The following RABGAP1L variants were observed in gnomAD, a reference collection of about 807,000 sequenced individuals.
The protein encoded by RABGAP1L is rab GTPase-activating protein 1-like.
RABGAP1L carries 63 observed loss-of-function variants against 137.7 expected under a neutral mutation model. The observed-to-expected ratio is 0.46, with a 90% CI of 0.37 to 0.56. RABGAP1L has a LOEUF of 0.56. RABGAP1L is among the 20% of genes least tolerant of loss of function. The pLI is 0.00. For missense variants in RABGAP1L, 1,095 were observed against 1,244.0 expected (o/e 0.88, Z 1.80); for synonymous variants, 431 against 433.7 (o/e 0.99, Z 0.08).
chr1:174,282,232 T>G (rs1165555003), intron 10 of RABGAP1L, among the ~76,000 whole-genome samples: 1 of 152,228 alleles, frequency 6.6e-6, no homozygotes, highest in Non-Finnish European at 1.5e-5. Flanking sequence ...CTACAGTGCT[T>G]GACCACTTTA....
Position 174,752,361 on chromosome 1 carries a change from C to T in RABGAP1L, c.2211+7C>T. On this transcript the variant is annotated splice_region_variant and intron_variant, in intron 18 of 25. Transcript: ENST00000681986. ...AGCTTTGGCTCTCCTAAAGGTAAGT[C>T]TTTTTTTTAATCTTAAGTTACCACA... The T allele has an allele frequency of 6.4e-7, 1 of 1,558,568 alleles. No individual in the cohort carries two copies. Among genetic ancestry groups the T allele is most frequent in the Non-Finnish European group, 8.7e-7 (1 of 1,144,706 alleles).
intron 18 of RABGAP1L, among the ~76,000 whole-genome samples, chr1:174,774,617 T>A (rs967682507): frequency 6.6e-6 from 1 of 152,020 alleles, no homozygotes; most frequent in African/African-American, 2.4e-5. Context: ...CAGTACCTCA[T>A]GCCTGTAATC....
At chr1:174,570,852 C>T (rs765967524) in intron 13 of RABGAP1L, among the ~76,000 whole-genome samples, 3 of 152,080 alleles carry the variant, frequency 2.0e-5, no homozygotes, top group Non-Finnish European at 2.9e-5. Flanking sequence ...CCATGGAGAA[C>T]AGTTTAGAGA....
intron 13 of RABGAP1L, among the ~76,000 whole-genome samples, chr1:174,400,089 C>T (rs1648378811): frequency 6.6e-6 from 1 of 152,170 alleles, no homozygotes; most frequent in Non-Finnish European, 1.5e-5. Context: ...GGCAAATATA[C>T]AGCCAGCAGG....
chr1:174,350,523 T>C (rs1316698554), intron 11 of RABGAP1L, among the ~76,000 whole-genome samples: 3 of 135,238 alleles, frequency 2.2e-5, no homozygotes, highest in African/African-American at 5.7e-5. Flanking sequence ...CCTCACTTCC[T>C]AGATGTGATG....
At chr1:174,351,225 G>A (rs146728188) in intron 11 of RABGAP1L, among the ~76,000 whole-genome samples, 223 of 152,292 alleles carry the variant, frequency 1.5e-3, no homozygotes, top group Non-Finnish European at 2.4e-3. Flanking sequence ...CAATTATAGT[G>A]TTATCATTTT....
intron 12 of RABGAP1L, among the ~76,000 whole-genome samples, chr1:174,392,925 C>T (rs918056968): frequency 2.6e-5 from 4 of 152,134 alleles, no homozygotes; most frequent in South Asian, 2.1e-4. Context: ...AAATGAGCAA[C>T]AAATACAAGT....
In RABGAP1L at chr1:174,502,576, G is replaced by GTATATATATATATATATATATA. The variant is rs60045454; in HGVS notation, c.1710+108452_1710+108453insATATATATATATATATATATAT. Among the ~76,000 whole-genome samples the GTATATATATATATATATATATA allele has an allele frequency of 2.6e-3, 338 of 128,920 alleles. 3 individuals are homozygous for GTATATATATATATATATATATA. Among genetic ancestry groups the GTATATATATATATATATATATA allele is most frequent in the African/African-American group, 7.5e-3 (248 of 33,044 alleles). The allele number at this position is 128,920 out of a possible 152,430, so 84.6% of individuals were successfully genotyped here. On this transcript the variant is annotated intron_variant, in intron 13 of 25. Coordinates refer to ENST00000681986, the MANE Select transcript of RABGAP1L (RefSeq NM_001366446.1). Reference sequence around the variant, plus strand: ...GAGATAATGCAGAAGAAAGTACACGGTATATATATATATATATATATGTAC... The same window carrying GTATATATATATATATATATATA: ...GAGATAATGCAGAAGAAAGTACACGGTATATATATATATATATATATATATATATATATATATATATATGTAC...
intron 18 of RABGAP1L, among the ~76,000 whole-genome samples, chr1:174,769,427 C>A (rs1685938344): frequency 6.6e-6 from 1 of 152,106 alleles, no homozygotes; most frequent in African/African-American, 2.4e-5. Context: ...GTGATGTTAT[C>A]TACAGGAGTA....
chr1:174,335,925 T>C (rs1052483618), intron 11 of RABGAP1L, among the ~76,000 whole-genome samples: 13 of 152,202 alleles, frequency 8.5e-5, no homozygotes, highest in African/African-American at 2.9e-4. Flanking sequence ...AAAAGACATA[T>C]GCCCAAGTAA....
At position 174,853,680 on chromosome 1, in the gene RABGAP1L, G is replaced by A. The variant is rs754765376; in HGVS notation, c.2340+41720G>A. Among the ~76,000 whole-genome samples, 6 of 152,116 alleles carry A rather than the reference G, an allele frequency of 3.9e-5. No individual in the cohort carries two copies. The East Asian group carries it at 9.6e-4, about 24-fold the overall frequency. ...TGGGAGGTGGAGGTTGCGGTGAGCCGAGATGGCGCCACTGCACTCCAGCCT... is the reference window on the plus strand; with the variant it reads ...TGGGAGGTGGAGGTTGCGGTGAGCCAAGATGGCGCCACTGCACTCCAGCCT... On this transcript the variant is annotated intron_variant, in intron 19 of 25. Coordinates refer to ENST00000681986, the MANE Select transcript of RABGAP1L (RefSeq NM_001366446.1).
chr1:174,954,165 T>C (rs1256895535), intron 19 of RABGAP1L: 1 of 152,222 alleles, frequency 6.6e-6, no homozygotes, highest in Non-Finnish European at 1.5e-5. Flanking sequence ...ACCTCATAAA[T>C]AACAAGAGTT....
intron 13 of RABGAP1L, among the ~76,000 whole-genome samples, chr1:174,586,145 C>T (rs1032000476): frequency 6.6e-5 from 10 of 152,240 alleles, no homozygotes; most frequent in African/African-American, 2.4e-4. Flanking sequence ...CAATGATAGA[C>T]TGGGTAAAGA....
intron 15 of RABGAP1L, among the ~76,000 whole-genome samples, chr1:174,689,060 A>G (rs1389253022): frequency 6.6e-6 from 1 of 152,136 alleles, no homozygotes; most frequent in African/African-American, 2.4e-5. Flanking sequence ...CTTAACCTAG[A>G]TAGTGGTTAC....
At chr1:174,316,867 T>A (rs1679423026) in intron 11 of RABGAP1L, among the ~76,000 whole-genome samples, 1 of 152,148 alleles carries the variant, frequency 6.6e-6, no homozygotes, top group Non-Finnish European at 1.5e-5. Context: ...AAGACACAGT[T>A]CTTCCCACTG....
At chr1:174,963,053 C>T (rs949012476) in intron 20 of RABGAP1L, among the ~76,000 whole-genome samples, 15 of 151,664 alleles carry the variant, frequency 9.9e-5, no homozygotes, top group Non-Finnish European at 1.9e-4. Flanking sequence ...GGGCAGAGAT[C>T]GTGCCACTGG....
chr1:174,651,634 T>C (rs531706312), intron 14 of RABGAP1L, among the ~76,000 whole-genome samples: 1 of 152,310 alleles, frequency 6.6e-6, no homozygotes, highest in East Asian at 1.9e-4. Flanking sequence ...TAAAGTCTGT[T>C]TTATCAGAGA....
At chr1:174,981,795 T>C (rs1025745712) in intron 23 of RABGAP1L, among the ~76,000 whole-genome samples, 3 of 152,168 alleles carry the variant, frequency 2.0e-5, no homozygotes, top group African/African-American at 7.2e-5. Flanking sequence ...CCATTTCTAA[T>C]ACTTGTTAGC....
At chr1:174,707,156 T>A (rs1447520621) in intron 17 of RABGAP1L, among the ~76,000 whole-genome samples, 2 of 152,224 alleles carry the variant, frequency 1.3e-5, no homozygotes, top group Non-Finnish European at 2.9e-5. Context: ...AGCATGAGCA[T>A]TAACTTTGAG....
Sources: gnomAD v4.1 joint callset for allele counts (sites outside exome capture counted in the v4.1 genomes callset) on GRCh38, gnomAD v4.1.1 for gene constraint, MANE v1.5 for transcripts, NCBI Gene and HGNC (gene_info 2026-07-23, HGNC 2026-07-21) for gene names.